CFAP57: variants seen among roughly 807,000 people sequenced by gnomAD.
CFAP57 encodes the protein cilia and flagella associated protein 57.
CFAP57 carries 116 observed loss-of-function variants against 146.8 expected under a neutral mutation model. The observed-to-expected ratio is 0.79, with a 90% CI of 0.68 to 0.92. CFAP57 has a LOEUF of 0.92. Among genes scored for constraint, CFAP57 ranks in the 40% least tolerant of loss-of-function variants. The pLI is 0.00. For synonymous variants in CFAP57, 518 were observed against 552.8 expected (o/e 0.94, Z 0.88); for missense variants, 1,377 against 1,527.2 (o/e 0.90, Z 1.64).
chr1:43,201,379 A>G lies in CFAP57; in HGVS notation c.1542+1876A>G, dbSNP rs985653960. Among the ~76,000 whole-genome samples, 5 of 152,242 alleles carry G rather than the reference A, an allele frequency of 3.3e-5. No individual in the cohort carries two copies. The highest frequency in any genetic ancestry group is 4.8e-5 in the African/African-American group (2 of 41,466). On this transcript the variant is annotated intron_variant, in intron 9 of 22. Transcript: ENST00000372492. The surrounding 1 kb of genome is among the most constrained non-coding windows in gnomAD (Gnocchi z 4.4). Reference sequence around the variant, plus strand: ...AGTGGTCAGTGGTACTAGATGTCAGAGGGAGGTCATGTAAAGTCCAAAACT... The same window carrying G: ...AGTGGTCAGTGGTACTAGATGTCAGGGGGAGGTCATGTAAAGTCCAAAACT...
rs142606806 is a variant in CFAP57 at position 43,224,224 on chromosome 1, C to T, written c.2865+20C>T. On this transcript the variant is annotated intron_variant, in intron 17 of 22. Coordinates refer to ENST00000372492, the MANE Select transcript of CFAP57 (RefSeq NM_001378189.1). ...GACAAGGTGCAGCTCTCCTTCTGTC[C>T]TCCCTCAGCTACGGCCAGATGGGCC... 4.8e-4 allele frequency: 728 copies of T among 1,511,370 alleles called. 4 individuals are homozygous for T. The African/African-American group carries it at 8.7e-3, about 18-fold the overall frequency. 93.6% of individuals were successfully genotyped at this position (1,511,370 alleles called of 1,614,324 possible).
At chr1:43,205,240 A>T (rs1406870681) in intron 9 of CFAP57, among the ~76,000 whole-genome samples, 1 of 119,790 alleles carries the variant, frequency 8.3e-6, no homozygotes, top group Non-Finnish European at 1.8e-5. Flanking sequence ...CCTCCTCTTA[A>T]TCACTTTCCA....
chr1:43,230,806 C>T (rs531216701), intron 18 of CFAP57, among the ~76,000 whole-genome samples: 2 of 152,366 alleles, frequency 1.3e-5, no homozygotes, highest in East Asian at 3.9e-4. Context: ...TCCTACTCCA[C>T]CTGAATTTCT....
chr1:43,223,284 T>C (rs1645120703), intron 16 of CFAP57, among the ~76,000 whole-genome samples: 1 of 152,144 alleles, frequency 6.6e-6, no homozygotes, highest in Non-Finnish European at 1.5e-5. Context: ...TACTGGCAAG[T>C]AGGATTCAGT....
In CFAP57 at chr1:43,232,908, A is replaced by G. The variant is rs558114538; in HGVS notation, c.3126+284A>G. Among the ~76,000 whole-genome samples the G allele has an allele frequency of 2.0e-5, 3 of 152,308 alleles. No homozygotes were observed. In the East Asian group the frequency reaches 5.8e-4, roughly 29 times the overall value. ...AGCATTTGGCTTCTTTGGAGGAGGA[A>G]AGTACGTGCTCAGAGAGGCAATTTG... On this transcript the variant is annotated intron_variant, in intron 19 of 22. Coordinates refer to ENST00000372492, the MANE Select transcript of CFAP57 (RefSeq NM_001378189.1).
At chr1:43,173,901 C>A (rs56301202) in intron 2 of CFAP57, among the ~76,000 whole-genome samples, 11,677 of 152,224 alleles carry the variant, frequency 0.077, 756 homozygotes, top group African/African-American at 0.17. Flanking sequence ...AGTTCTTATT[C>A]CTCAGCAACC....
intron 9 of CFAP57, among the ~76,000 whole-genome samples, chr1:43,202,970 G>T (rs1389170844): frequency 1.3e-5 from 2 of 152,008 alleles, no homozygotes; most frequent in African/African-American, 4.8e-5. Context: ...TCAGGAGATG[G>T]AGATCATCCT....
At chr1:43,185,561 G>A (rs1040261727) in intron 5 of CFAP57, among the ~76,000 whole-genome samples, 5 of 151,114 alleles carry the variant, frequency 3.3e-5, no homozygotes, top group Non-Finnish European at 7.4e-5. Flanking sequence ...TAGGAAAATC[G>A]ACCAGCATAT....
At chr1:43,175,264 T>C (rs568678631) in intron 2 of CFAP57, among the ~76,000 whole-genome samples, 53 of 152,078 alleles carry the variant, frequency 3.5e-4, no homozygotes, top group African/African-American at 1.2e-3. Context: ...CATATATACG[T>C]ATAAAATACA....
At chr1:43,189,483 A>T (rs1643364337) in intron 6 of CFAP57, among the ~76,000 whole-genome samples, 1 of 152,072 alleles carries the variant, frequency 6.6e-6, no homozygotes, top group African/African-American at 2.4e-5. Context: ...ATTCTGAAAA[A>T]TTTTCTTCAT....
In CFAP57 at chr1:43,234,654, C is replaced by T. The variant is rs1487904877; in HGVS notation, c.3405+16C>T. 2.0e-6 allele frequency: 3 copies of T among 1,537,016 alleles called. No homozygotes were observed. Among genetic ancestry groups the T allele is most frequent in the East Asian group, 2.5e-5 (1 of 40,574 alleles). On this transcript the variant is annotated intron_variant, in intron 21 of 22. Transcript: ENST00000372492. The stretch of plus-strand genomic sequence containing the variant: ...CATCATGCAGGTACCTGCATGCTCC[C>T]CTCAGCCCCTGTGGAGGCCAAGCCA...
chr1:43,180,249 TAC>T (rs1407181606), intron 2 of CFAP57, among the ~76,000 whole-genome samples: 1 of 144,326 alleles, frequency 6.9e-6, no homozygotes. Context: ...AAAATATATA[TAC>T]ACACATATAT....
intron 9 of CFAP57, among the ~76,000 whole-genome samples, chr1:43,204,682 G>A (rs1644282660): frequency 6.6e-6 from 1 of 152,114 alleles, no homozygotes; most frequent in Non-Finnish European, 1.5e-5. Context: ...GTTACAGATG[G>A]TGCATAAACC....
intron 22 of CFAP57, chr1:43,250,200 G>A (rs1019482632): frequency 6.6e-6 from 1 of 152,082 alleles, no homozygotes; most frequent in African/African-American, 2.4e-5. Context: ...ACACACAAAC[G>A]AAAATCCAAT....
chr1:43,173,297 T>A lies in CFAP57; in HGVS notation c.157+387T>A, dbSNP rs555770460. Reference sequence around the variant, plus strand: ...TTGAATCCAAGTATGATGAAGACACTGTAAACTTTATCCCAAGTCGCAAAT... The same window carrying A: ...TTGAATCCAAGTATGATGAAGACACAGTAAACTTTATCCCAAGTCGCAAAT... On this transcript the variant is annotated intron_variant, in intron 2 of 22. Transcript: ENST00000372492. 2.6e-5 allele frequency among the ~76,000 whole-genome samples: 4 copies of A among 152,358 alleles called. No homozygotes were observed. The South Asian group carries it at 6.2e-4, about 24-fold the overall frequency.
At chr1:43,210,576 A>T (rs1644559457) in intron 11 of CFAP57, 1 of 274,808 alleles carries the variant, frequency 3.6e-6, no homozygotes, top group Non-Finnish European at 5.8e-6. Context: ...CCAACCACAA[A>T]AAGATAAGTA....
intron 21 of CFAP57, 68 bp downstream of exon 21, chr1:43,234,706 T>A (rs1345738759): frequency 1.3e-6 from 2 of 1,490,446 alleles, no homozygotes; most frequent in Admixed American, 4.3e-5. Context: ...CCATCAAGGG[T>A]CCCTCTGAGA....
At chr1:43,192,873 G>C (rs189710021) in intron 6 of CFAP57, among the ~76,000 whole-genome samples, 18 of 152,104 alleles carry the variant, frequency 1.2e-4, no homozygotes, top group African/African-American at 3.4e-4. Flanking sequence ...GTTGCGGTGA[G>C]CCGAGATCAT....
At position 43,192,302 on chromosome 1, in the gene CFAP57, T is replaced by C. The variant is rs186779876; in HGVS notation, c.1123-5251T>C. Among the ~76,000 whole-genome samples, 111 of 152,324 alleles carry C rather than the reference T, an allele frequency of 7.3e-4. 1 individual carries two copies. Among genetic ancestry groups the C allele is most frequent in the African/African-American group, 2.6e-3 (109 of 41,574 alleles). On this transcript the variant is annotated intron_variant, in intron 6 of 22. Coordinates refer to ENST00000372492, the MANE Select transcript of CFAP57 (RefSeq NM_001378189.1). The stretch of plus-strand genomic sequence containing the variant: ...CTTCTGTTTCTTGTCATCTTCTGCC[T>C]ACTTGTCTTGATTGTTTTTGAAAGT...
Sources: allele counts gnomAD v4.1 joint callset (sites outside exome capture counted in the v4.1 genomes callset), GRCh38; gene constraint gnomAD v4.1.1; non-coding constraint Gnocchi (gnomAD v3.1); transcripts MANE v1.5; gene names NCBI Gene and HGNC (gene_info 2026-07-23, HGNC 2026-07-21).